EXOC4: variants seen among roughly 807,000 people sequenced by gnomAD.
The protein encoded by EXOC4 is SEC8-like 1.
EXOC4 carries 71 observed loss-of-function variants against 107.2 expected under a neutral mutation model. The ratio of observed to expected loss-of-function variants is 0.66; its 90% CI spans 0.55 to 0.81. The LOEUF is 0.81. EXOC4 is among the 30% of genes least tolerant of loss of function. The pLI is 0.00. For synonymous variants in EXOC4, 456 were observed against 441.2 expected, an observed-to-expected ratio of 1.03 and a Z score of -0.42; for missense variants, 1,108 against 1,189.6, an observed-to-expected ratio of 0.93 and a Z score of 1.01.
intron 7 of EXOC4, among the ~76,000 whole-genome samples, chr7:133,434,325 A>G (rs909255760): frequency 3.3e-5 from 5 of 152,190 alleles, no homozygotes; most frequent in Admixed American, 1.3e-4. Flanking sequence ...TTCAAAGGGT[A>G]TTAGAACCCA....
intron 11 of EXOC4, among the ~76,000 whole-genome samples, chr7:133,852,327 A>G (rs1483179262): frequency 1.3e-5 from 2 of 151,036 alleles, no homozygotes; most frequent in Non-Finnish European, 2.9e-5. Flanking sequence ...GGTTCAAGCC[A>G]TTCTCCTGCC....
rs1392685304 is a variant in EXOC4 at position 133,894,480 on chromosome 7, G to A, written c.1735-1119G>A. ...TGTTCCGTTGCTGGTGAGGAACTGCGTTCCTTTGGAGGAGGAGAGGCGCTC... is the reference window on the plus strand; with the variant it reads ...TGTTCCGTTGCTGGTGAGGAACTGCATTCCTTTGGAGGAGGAGAGGCGCTC... On this transcript the variant is annotated intron_variant, in intron 11 of 17. Transcript: ENST00000253861. Among the ~76,000 whole-genome samples the A allele has an allele frequency of 6.3e-5, 8 of 127,974 alleles. No individual in the cohort carries two copies. In the East Asian group the frequency reaches 6.6e-4, roughly 11 times the overall value. The allele number at this position is 127,974 out of a possible 152,430, so 84.0% of individuals were successfully genotyped here.
At chr7:133,311,791 G>A (rs186311963) in intron 4 of EXOC4, among the ~76,000 whole-genome samples, 6 of 152,104 alleles carry the variant, frequency 3.9e-5, no homozygotes, top group Admixed American at 1.3e-4. Flanking sequence ...TCAGTAAAGC[G>A]GGATATAGAC....
chr7:133,805,857 CAGTT>C (rs1428109722), intron 10 of EXOC4, among the ~76,000 whole-genome samples: 2 of 152,190 alleles, frequency 1.3e-5, no homozygotes, highest in African/African-American at 4.8e-5. Flanking sequence ...AAGGAAAAAT[CAGTT>C]AGGAGATTAT....
chr7:134,085,350 CT>C, the EXOC4 span, among the ~76,000 whole-genome samples: 1,035 of 150,928 alleles, frequency 6.9e-3, 8 homozygotes, highest in African/African-American at 0.024. Context: ...AAAAAACCAA[CT>C]TTTTTTAAAC....
intron 10 of EXOC4, among the ~76,000 whole-genome samples, chr7:133,632,491 C>T (rs1802613936): frequency 6.6e-6 from 1 of 152,142 alleles, no homozygotes; most frequent in Non-Finnish European, 1.5e-5. Context: ...TCCTGATTGG[C>T]TTGTGGAACT....
chr7:133,601,206 A>C (rs1563122700), intron 9 of EXOC4, among the ~76,000 whole-genome samples: 1 of 151,932 alleles, frequency 6.6e-6, no homozygotes, highest in East Asian at 1.9e-4. Context: ...ATTCATTGAA[A>C]TGCTGGATTT....
intron 1 of EXOC4, among the ~76,000 whole-genome samples, chr7:133,273,982 C>A (rs1793932424): frequency 6.6e-6 from 1 of 152,016 alleles, no homozygotes; most frequent in South Asian, 2.1e-4. Context: ...GGAAAAGGTT[C>A]CTTTGTTACT....
intron 9 of EXOC4, among the ~76,000 whole-genome samples, chr7:133,499,599 A>G (rs1461402392): frequency 6.6e-6 from 1 of 152,056 alleles, no homozygotes; most frequent in African/African-American, 2.4e-5. Context: ...AGGCCTTATG[A>G]TATGGTTTAG....
At chr7:133,687,303 G>A (rs1309731443) in intron 10 of EXOC4, among the ~76,000 whole-genome samples, 1 of 151,964 alleles carries the variant, frequency 6.6e-6, no homozygotes, top group African/African-American at 2.4e-5. Flanking sequence ...TGGGTTTAGT[G>A]TATACTACTC....
chr7:133,439,071 A>G (rs1019542765), intron 7 of EXOC4, among the ~76,000 whole-genome samples: 7 of 149,256 alleles, frequency 4.7e-5, no homozygotes, highest in Non-Finnish European at 1.0e-4. Flanking sequence ...AATGAAGGAG[A>G]TTGGGTTGGA....
intron 10 of EXOC4, among the ~76,000 whole-genome samples, chr7:133,684,239 C>T (rs994770617): frequency 6.6e-6 from 1 of 152,084 alleles, no homozygotes. Flanking sequence ...AAGTGTTCAT[C>T]CTTCATGATA....
chr7:134,031,303 A>C (rs1292715882), intron 17 of EXOC4, among the ~76,000 whole-genome samples: 2 of 152,206 alleles, frequency 1.3e-5, no homozygotes, highest in Non-Finnish European at 2.9e-5. Flanking sequence ...TTTTTTGAAG[A>C]AGAAAATAAG....
intron 9 of EXOC4, among the ~76,000 whole-genome samples, chr7:133,619,833 C>A (rs1346670811): frequency 1.3e-5 from 2 of 152,146 alleles, no homozygotes; most frequent in Admixed American, 1.3e-4. Flanking sequence ...TCTGCTGTAG[C>A]CATCATCTGT....
intron 11 of EXOC4, among the ~76,000 whole-genome samples, chr7:133,884,900 T>A (rs1224172418): frequency 6.6e-6 from 1 of 152,156 alleles, no homozygotes; most frequent in East Asian, 1.9e-4. Context: ...TATATATACA[T>A]ATATAATGAA....
At chr7:133,563,795 C>T (rs917051185) in intron 9 of EXOC4, among the ~76,000 whole-genome samples, 6 of 152,186 alleles carry the variant, frequency 3.9e-5, no homozygotes, top group African/African-American at 7.2e-5. Flanking sequence ...TATACTTTTA[C>T]GTGAATTACA....
At chr7:133,753,647 G>A (rs1795839470) in intron 10 of EXOC4, among the ~76,000 whole-genome samples, 1 of 152,208 alleles carries the variant, frequency 6.6e-6, no homozygotes, top group Admixed American at 6.5e-5. Context: ...AAGGAAGGAA[G>A]CACATTCCTG....
At chr7:134,072,327 G>GA in the EXOC4 span, among the ~76,000 whole-genome samples, 5 of 152,036 alleles carry the variant, frequency 3.3e-5, no homozygotes, top group African/African-American at 9.7e-5. Context: ...AGTTATACAT[G>GA]AAAAAAAATG....
the EXOC4 span, among the ~76,000 whole-genome samples, chr7:134,077,820 A>C: frequency 6.6e-6 from 1 of 152,258 alleles, no homozygotes; most frequent in African/African-American, 2.4e-5. Flanking sequence ...GCTGTAGTTC[A>C]GGCCTACTCA....
Sources: gnomAD v4.1 joint callset for allele counts (sites outside exome capture counted in the v4.1 genomes callset) on GRCh38, gnomAD v4.1.1 for gene constraint, MANE v1.5 for transcripts, NCBI Gene and HGNC (gene_info 2026-07-23, HGNC 2026-07-21) for gene names.